The following RBPMS variants were observed in gnomAD, a reference collection of about 807,000 sequenced individuals.
RBPMS encodes RNA-binding protein with multiple splicing.
Under a neutral mutation model 26.8 loss-of-function variants are expected in RBPMS, and 7 were observed. That is an observed-to-expected ratio of 0.26 (90% CI 0.15 to 0.49). RBPMS has a LOEUF of 0.49. RBPMS is among the 20% of genes least tolerant of loss of function. The pLI is 0.98. For synonymous variants in RBPMS, 96 were observed against 93.3 expected (o/e 1.03, Z -0.17); for missense variants, 186 against 250.0 (o/e 0.74, Z 1.73).
At chr8:30,464,710 GA>G (rs1339647942) in intron 1 of RBPMS, among the ~76,000 whole-genome samples, 15 of 152,214 alleles carry the variant, frequency 9.9e-5, no homozygotes, top group Non-Finnish European at 2.2e-4. Context: ...TTGTTTCTTT[GA>G]ACAAATCTGT....
chr8:30,474,971 G>T (rs1817534036), intron 2 of RBPMS, 115 bp downstream of exon 2: 1 of 700,080 alleles, frequency 1.4e-6, no homozygotes, highest in Non-Finnish European at 2.5e-6. Flanking sequence ...GTTTTTAAAA[G>T]GTTAATGAGT....
chr8:30,504,739 C>T (rs1218746233), intron 5 of RBPMS, among the ~76,000 whole-genome samples: 1 of 152,122 alleles, frequency 6.6e-6, no homozygotes, highest in Non-Finnish European at 1.5e-5. Context: ...TGGGTATAAA[C>T]CCTTCATTCC....
intron 1 of RBPMS, among the ~76,000 whole-genome samples, chr8:30,454,244 C>T (rs974199756): frequency 1.3e-5 from 2 of 152,164 alleles, no homozygotes; most frequent in Non-Finnish European, 2.9e-5. Flanking sequence ...TGTAAGCATA[C>T]TTGATTAACG....
intron 1 of RBPMS, chr8:30,386,981 A>G (rs1197331912): frequency 6.6e-6 from 1 of 152,050 alleles, no homozygotes; most frequent in Non-Finnish European, 1.5e-5. Flanking sequence ...TGCCAGGACC[A>G]AGGGATTGCC....
intron 6 of RBPMS, chr8:30,556,335 A>G: frequency 2.0e-6 from 2 of 985,700 alleles, no homozygotes; most frequent in Non-Finnish European, 1.2e-6. Flanking sequence ...GAGAGCCTGA[A>G]GACGGGCTGC....
At chr8:30,437,948 G>C (rs1225760652) in intron 1 of RBPMS, among the ~76,000 whole-genome samples, 11 of 152,086 alleles carry the variant, frequency 7.2e-5, no homozygotes, top group Non-Finnish European at 1.5e-5. Context: ...GACAGAGTGA[G>C]ACTCCGTCTC....
chr8:30,540,957 G>A lies in RBPMS; in HGVS notation c.398-3537G>A, dbSNP rs143174171. On this transcript the variant is annotated intron_variant, in intron 5 of 8. Coordinates refer to ENST00000397323, the MANE Select transcript of RBPMS (RefSeq NM_001008710.3). ...CATCTTGCTGAAATCTGGAGCCAAC[G>A]AGGACAGGTCATTGAGGGAGCATGT... Among the ~76,000 whole-genome samples, 984 of 152,334 alleles carry A rather than the reference G, an allele frequency of 6.5e-3. 7 individuals carry two copies. Among genetic ancestry groups the A allele is most frequent in the African/African-American group, 0.022 (909 of 41,576 alleles).
chr8:30,420,149 G>C (rs948220981), intron 1 of RBPMS, among the ~76,000 whole-genome samples: 2 of 151,876 alleles, frequency 1.3e-5, no homozygotes, highest in African/African-American at 4.8e-5. Context: ...GATCACTTGA[G>C]CTTGGGAGGT....
chr8:30,468,147 A>T (rs556860283), intron 1 of RBPMS, among the ~76,000 whole-genome samples: 1 of 152,332 alleles, frequency 6.6e-6, no homozygotes, highest in South Asian at 2.1e-4. Flanking sequence ...TTAAATATAC[A>T]GGTTAATGAG....
At chr8:30,551,954 A>C (rs1247320618) in intron 6 of RBPMS, among the ~76,000 whole-genome samples, 6 of 152,204 alleles carry the variant, frequency 3.9e-5, no homozygotes, top group Non-Finnish European at 5.9e-5. Flanking sequence ...TTATGATTAA[A>C]ATAGTTCTTC....
intron 5 of RBPMS, among the ~76,000 whole-genome samples, chr8:30,527,780 G>A (rs1030576282): frequency 6.6e-6 from 1 of 152,218 alleles, no homozygotes; most frequent in Non-Finnish European, 1.5e-5. Context: ...GGTAGGTTTA[G>A]CTCTTGAGAA....
rs147729227 is a variant in RBPMS at position 30,473,390 on chromosome 8, A to T, written c.67-1389A>T. Among the ~76,000 whole-genome samples the T allele has an allele frequency of 1.3e-4, 20 of 152,344 alleles. No homozygotes were observed. The East Asian group carries it at 3.1e-3, about 24-fold the overall frequency. On this transcript the variant is annotated intron_variant, in intron 1 of 8. Transcript: ENST00000397323. ...CTGTGTTTTAGTAGACACTAAGCAC[A>T]TAGTGTGTACCCTACACTTTGCACT...
chr8:30,537,160 C>T, intron 5 of RBPMS, among the ~76,000 whole-genome samples: 1 of 152,216 alleles, frequency 6.6e-6, no homozygotes. Context: ...TCTTCCCACT[C>T]ATGCTCAGGG....
At chr8:30,468,918 T>TAC (rs78616632) in intron 1 of RBPMS, among the ~76,000 whole-genome samples, 142,401 of 152,218 alleles carry the variant, frequency 0.94, 67,337 homozygotes, top group Non-Finnish European at 1. Flanking sequence ...TAAGTAACTA[T>TAC]ACAGTCATTC....
intron 6 of RBPMS, chr8:30,556,519 G>A (rs758568830): frequency 2.2e-5 from 22 of 986,154 alleles, no homozygotes; most frequent in Non-Finnish European, 2.4e-5. Context: ...CCCCTCCTGT[G>A]TCTCCTGTGA....
intron 8 of RBPMS, among the ~76,000 whole-genome samples, chr8:30,569,805 T>G (rs1480366026): frequency 6.6e-6 from 1 of 152,152 alleles, no homozygotes; most frequent in Non-Finnish European, 1.5e-5. Context: ...GAGTCTGGAT[T>G]TGGCTGCCTT....
chr8:30,385,910 C>T (rs1346778155), intron 1 of RBPMS, among the ~76,000 whole-genome samples: 1 of 152,102 alleles, frequency 6.6e-6, no homozygotes. Context: ...TCGGTGGAAA[C>T]AAAATTGAGT....
intron 6 of RBPMS, among the ~76,000 whole-genome samples, chr8:30,554,524 C>T (rs904871571): frequency 2.0e-5 from 3 of 152,172 alleles, no homozygotes; most frequent in African/African-American, 7.2e-5. Context: ...CTCTAATGTC[C>T]TTGACATTAG....
intron 1 of RBPMS, among the ~76,000 whole-genome samples, chr8:30,462,473 G>T (rs1412122945): frequency 6.6e-6 from 1 of 151,964 alleles, no homozygotes; most frequent in Non-Finnish European, 1.5e-5. Flanking sequence ...ACCCAGGCTA[G>T]AGTGTAATGG....
Sources: gnomAD v4.1 joint callset for allele counts (sites outside exome capture counted in the v4.1 genomes callset) on GRCh38, gnomAD v4.1.1 for gene constraint, MANE v1.5 for transcripts, NCBI Gene and HGNC (gene_info 2026-07-23, HGNC 2026-07-21) for gene names.